Variants in CAST observed in about 807,000 individuals in gnomAD.
CAST encodes MIR583 host.
A neutral mutation model predicts 119.6 loss-of-function variants in CAST; 76 were observed. That is an observed-to-expected ratio of 0.64 (90% CI 0.53 to 0.77). The LOEUF is 0.77. Ranked by LOEUF, CAST falls within the 30% of genes least tolerant of loss-of-function variation. The probability of loss-of-function intolerance (pLI) is 0.00; values close to 1 mark genes in which losing one functional copy is unlikely to be tolerated. For synonymous variants in CAST, 319 were observed against 331.6 expected, an observed-to-expected ratio of 0.96 and a Z score of 0.41; for missense variants, 953 against 946.5, an observed-to-expected ratio of 1.01 and a Z score of -0.09.
At chr5:96,032,365 T>C in the CAST span, among the ~76,000 whole-genome samples, 1 of 152,036 alleles carries the variant, frequency 6.6e-6, no homozygotes, top group South Asian at 2.1e-4. Flanking sequence ...TAAAAAAAAG[T>C]TGGACTTGGA....
intron 1 of CAST, among the ~76,000 whole-genome samples, chr5:96,567,546 G>A (rs1387574369): frequency 4.6e-5 from 7 of 152,042 alleles, no homozygotes; most frequent in African/African-American, 1.4e-4. Context: ...CTCCATAAAG[G>A]TGTTCTCTGA....
chr5:96,429,083 A>G, the CAST span: 8 of 624,642 alleles, frequency 1.3e-5, no homozygotes, highest in Non-Finnish European at 2.0e-5. Context: ...ATTAGAAATA[A>G]TACAGATAAA....
At chr5:96,296,314 T>C in the CAST span, among the ~76,000 whole-genome samples, 3 of 152,180 alleles carry the variant, frequency 2.0e-5, no homozygotes, top group Non-Finnish European at 2.9e-5. Flanking sequence ...CTTCCATTCT[T>C]CCCACTGAAA....
the CAST span, among the ~76,000 whole-genome samples, chr5:96,475,881 G>T: frequency 5.9e-5 from 9 of 152,318 alleles, no homozygotes; most frequent in East Asian, 1.2e-3. Flanking sequence ...ACCCGTGCAG[G>T]CAAAGAGTAG....
intron 1 of CAST, among the ~76,000 whole-genome samples, chr5:96,561,796 G>GTTTTTTTTGTTTT (rs1746371485): frequency 1.0e-5 from 1 of 97,422 alleles, no homozygotes; most frequent in African/African-American, 3.8e-5. Context: ...GTTTTTTTTT[G>GTTTTTTTTGTTTT]TTTTTTTTTT....
the CAST span, among the ~76,000 whole-genome samples, chr5:96,230,930 C>T: frequency 7.9e-5 from 12 of 152,192 alleles, no homozygotes; most frequent in African/African-American, 2.6e-4. Flanking sequence ...CAAATCAAAA[C>T]CACAACGAGA....
At chr5:96,077,206 C>T in the CAST span, among the ~76,000 whole-genome samples, 2 of 151,886 alleles carry the variant, frequency 1.3e-5, no homozygotes, top group African/African-American at 4.8e-5. Flanking sequence ...AACATATATA[C>T]CTTTTTATTT....
the CAST span, among the ~76,000 whole-genome samples, chr5:96,000,087 T>A: frequency 1.3e-5 from 2 of 152,212 alleles, no homozygotes; most frequent in Non-Finnish European, 2.9e-5. Flanking sequence ...ATTTTATCCA[T>A]TTTTTGATTG....
chr5:96,308,566 G>T, the CAST span, among the ~76,000 whole-genome samples: 5 of 151,970 alleles, frequency 3.3e-5, no homozygotes, highest in African/African-American at 4.8e-5. Context: ...GCCTTTTTGC[G>T]CTGGTTTCTC....
the CAST span, among the ~76,000 whole-genome samples, chr5:96,189,891 G>A: frequency 6.6e-6 from 1 of 152,026 alleles, no homozygotes; most frequent in African/African-American, 2.4e-5. Context: ...TCCTATTCTT[G>A]CATGTTTACT....
chr5:96,430,830 T>C, the CAST span, among the ~76,000 whole-genome samples: 4 of 152,206 alleles, frequency 2.6e-5, no homozygotes, highest in African/African-American at 9.7e-5. Context: ...CCCCACTATT[T>C]GTTAATGCTT....
At chr5:95,963,700 A>T in the CAST span, among the ~76,000 whole-genome samples, 1 of 145,630 alleles carries the variant, frequency 6.9e-6, no homozygotes, top group Non-Finnish European at 1.5e-5. Context: ...ATAATTCTGT[A>T]CTTGAACTTT....
chr5:96,754,709 A>G lies in CAST; in HGVS notation c.1678A>G (p.Ile560Val), dbSNP rs753082229. ...REKLGEKEET[I>V]PPDYRLEEVK... ...AAAGCTTGGTGAAAAAGAAGAAACA[A>G]TTCCTCCTGATTATAGATTAGAAGA... Residue 560 changes from isoleucine (I) to valine (V), a missense_variant, in exon 22 of 32, where the codon ATT becomes GTT. Coordinates refer to ENST00000675179, the MANE Select transcript of CAST (RefSeq NM_001750.7). The G allele has an allele frequency of 3.1e-6, 5 of 1,608,658 alleles. No individual in the cohort carries two copies. Among genetic ancestry groups the G allele is most frequent in the Non-Finnish European group, 1.7e-6 (2 of 1,175,410 alleles).
chr5:96,396,371 A>T, the CAST span, among the ~76,000 whole-genome samples: 1 of 151,830 alleles, frequency 6.6e-6, no homozygotes, highest in Non-Finnish European at 1.5e-5. Context: ...GACCAGCCTG[A>T]CCAACATGGT....
At chr5:96,540,112 T>A (rs990480803) in intron 1 of CAST, among the ~76,000 whole-genome samples, 1 of 152,176 alleles carries the variant, frequency 6.6e-6, no homozygotes, top group Non-Finnish European at 1.5e-5. Context: ...AGCCTTATGC[T>A]ATTGTGGGCT....
rs1231264727 is a variant in CAST, at chr5:96,740,136, T to C, written c.879+18T>C. 5.6e-6 allele frequency: 6 copies of C among 1,071,202 alleles called. No individual in the cohort carries two copies. Among genetic ancestry groups the C allele is most frequent in the Non-Finnish European group, 7.0e-6 (5 of 710,584 alleles). 66.4% of individuals were successfully genotyped at this position (1,071,202 alleles called of 1,614,324 possible). ...TATTGGCTGTAAGTTAAATAATCAT[T>C]TACTTTTATTTCACTGTTTCCTCTT... On this transcript the variant is annotated intron_variant, in intron 12 of 31. Transcript: ENST00000675179.
At chr5:96,425,034 A>AAG in the CAST span, among the ~76,000 whole-genome samples, 2 of 141,452 alleles carry the variant, frequency 1.4e-5, no homozygotes, top group Admixed American at 6.9e-5. Context: ...GAAAGAAAGA[A>AAG]AGAAAGAAAG....
the CAST span, among the ~76,000 whole-genome samples, chr5:95,991,006 T>C: frequency 6.6e-6 from 1 of 152,106 alleles, no homozygotes. Context: ...CAGGAGAGAG[T>C]CCCAGAAGTG....
chr5:96,525,411 T>C (rs1333123421), upstream of CAST: 6 of 152,148 alleles, frequency 3.9e-5, no homozygotes, highest in Non-Finnish European at 2.9e-5. Flanking sequence ...CAGCCAGTGA[T>C]ATTGATGATT....
Sources: gnomAD v4.1 joint callset for allele counts (sites outside exome capture counted in the v4.1 genomes callset) on GRCh38, gnomAD v4.1.1 for gene constraint, MANE v1.5 for transcripts, NCBI Gene and HGNC (gene_info 2026-07-23, HGNC 2026-07-21) for gene names.